The following WDR72 variants were observed in gnomAD, a reference collection of about 807,000 sequenced individuals.
The protein encoded by WDR72 is WD repeat-containing protein 72.
A neutral mutation model predicts 124.2 loss-of-function variants in WDR72; 120 were observed. That is an observed-to-expected ratio of 0.97 (90% CI 0.83 to 1.12). The LOEUF is 1.12. WDR72 is among the 50% of genes most tolerant of loss of function. The probability of loss-of-function intolerance (pLI) is 0.00; values close to 1 mark genes in which losing one functional copy is unlikely to be tolerated. For missense variants in WDR72, 1,387 were observed against 1,278.8 expected, an observed-to-expected ratio of 1.08 and a Z score of -1.29; for synonymous variants, 452 against 441.7, an observed-to-expected ratio of 1.02 and a Z score of -0.29.
At chr15:53,710,087 C>T (rs2017489864) in intron 9 of WDR72, among the ~76,000 whole-genome samples, 1 of 152,170 alleles carries the variant, frequency 6.6e-6, no homozygotes, top group African/African-American at 2.4e-5. Context: ...AGGTATGATT[C>T]AGTCAAGTAA....
At chr15:53,646,896 A>C (rs2015062167) in intron 14 of WDR72, among the ~76,000 whole-genome samples, 1 of 152,096 alleles carries the variant, frequency 6.6e-6, no homozygotes, top group Admixed American at 6.6e-5. Context: ...GGAATAATTA[A>C]GGGTCTTTGT....
intron 18 of WDR72, among the ~76,000 whole-genome samples, chr15:53,594,756 C>A (rs1413187554): frequency 1.3e-5 from 2 of 151,920 alleles, no homozygotes; most frequent in African/African-American, 4.8e-5. Context: ...CATGCCACTG[C>A]ACTCCAGACT....
chr15:53,631,347 G>C (rs567762628), intron 14 of WDR72, among the ~76,000 whole-genome samples: 15 of 152,314 alleles, frequency 9.8e-5, no homozygotes, highest in Admixed American at 3.3e-4. Context: ...AAGCCACTAT[G>C]CTTCCTGTAG....
At chr15:53,600,182 T>C (rs1241875925) in intron 17 of WDR72, among the ~76,000 whole-genome samples, 1 of 152,118 alleles carries the variant, frequency 6.6e-6, no homozygotes, top group Non-Finnish European at 1.5e-5. Context: ...CTGCAGACTT[T>C]CAAAAATAAA....
intron 14 of WDR72, among the ~76,000 whole-genome samples, chr15:53,648,064 C>A (rs2140422546): frequency 6.6e-6 from 1 of 152,236 alleles, no homozygotes; most frequent in Middle Eastern, 3.4e-3. Context: ...AACTTCCCCA[C>A]CTCTGACAGA....
At chr15:53,629,209 A>T (rs910177966) in intron 14 of WDR72, among the ~76,000 whole-genome samples, 3 of 133,504 alleles carry the variant, frequency 2.2e-5, no homozygotes. Context: ...AGAGAGAGAG[A>T]GAGTGAGAGA....
chr15:53,711,194 G>A, intron 8 of WDR72, 142 bp downstream of exon 8: 1 of 1,210,474 alleles, frequency 8.3e-7, no homozygotes, highest in East Asian at 2.4e-5. Context: ...AGCCTACCAA[G>A]CCCAGAGTAA....
At chr15:53,661,366 A>G (rs1034700707) in intron 14 of WDR72, among the ~76,000 whole-genome samples, 2 of 152,156 alleles carry the variant, frequency 1.3e-5, no homozygotes, top group Non-Finnish European at 2.9e-5. Flanking sequence ...CATGGTGAAA[A>G]GGGAAACAAG....
intron 18 of WDR72, among the ~76,000 whole-genome samples, chr15:53,593,320 G>T (rs1262095522): frequency 6.6e-6 from 1 of 152,058 alleles, no homozygotes; most frequent in Admixed American, 6.6e-5. Flanking sequence ...TTGCAAGTAT[G>T]GAAAACGTAG....
At chr15:53,724,150 G>A (rs2017953927) in intron 2 of WDR72, among the ~76,000 whole-genome samples, 1 of 152,182 alleles carries the variant, frequency 6.6e-6, no homozygotes, top group South Asian at 2.1e-4. Context: ...CAATGGCTGG[G>A]GGTGAGGGAA....
Position 53,732,816 on chromosome 15 carries a change from A to G in WDR72, c.153+181T>C, listed in dbSNP as rs690001. ...TATTCATAATATAATTTTCAAATATAATCTTGATCAATCATATAATACTTT... is the reference window on the plus strand; with the variant it reads ...TATTCATAATATAATTTTCAAATATGATCTTGATCAATCATATAATACTTT... On this transcript the variant is annotated intron_variant, in intron 2 of 19. Transcript: ENST00000360509. Among the ~76,000 whole-genome samples the G allele has an allele frequency of 0.62, 94,626 of 152,018 alleles. 29,672 individuals are homozygous for G. The highest frequency in any genetic ancestry group is 0.68 in the African/African-American group (28,147 of 41,472).
At chr15:53,706,371 T>TACATATATATATATATATATATAC (rs1567040197) in intron 9 of WDR72, among the ~76,000 whole-genome samples, 7 of 52,638 alleles carry the variant, frequency 1.3e-4, no homozygotes, top group African/African-American at 5.0e-4. Context: ...TATATATATA[T>TACATATATATATATATATATATAC]ATATATATAT....
At chr15:53,557,656 C>A (rs1260800577) in intron 18 of WDR72, among the ~76,000 whole-genome samples, 1 of 151,852 alleles carries the variant, frequency 6.6e-6, no homozygotes, top group Admixed American at 6.6e-5. Context: ...GAGAGATCAG[C>A]CCGTGAGCCT....
chr15:53,630,689 A>C (rs977594049), intron 14 of WDR72, among the ~76,000 whole-genome samples: 3 of 152,206 alleles, frequency 2.0e-5, no homozygotes, highest in African/African-American at 7.2e-5. Context: ...CCAAGAAACT[A>C]GGAATAGAAA....
chr15:53,554,529 G>A (rs962883479), intron 18 of WDR72, among the ~76,000 whole-genome samples: 4 of 152,244 alleles, frequency 2.6e-5, no homozygotes, highest in African/African-American at 9.6e-5. Context: ...AAGCATCATT[G>A]TGTTGTGTTG....
At chr15:53,733,787 G>A (rs1400105082) in intron 1 of WDR72, among the ~76,000 whole-genome samples, 1 of 151,940 alleles carries the variant, frequency 6.6e-6, no homozygotes, top group African/African-American at 2.4e-5. Flanking sequence ...TTAGTTACAA[G>A]GGTTAAAATG....
intron 18 of WDR72, among the ~76,000 whole-genome samples, chr15:53,594,455 T>G (rs547722769): frequency 6.3e-4 from 96 of 152,160 alleles, no homozygotes; most frequent in African/African-American, 2.3e-3. Context: ...GAAATCTGCC[T>G]ATGAAATTTG....
chr15:53,584,817 T>G (rs1595775488), intron 18 of WDR72, among the ~76,000 whole-genome samples: 1 of 152,132 alleles, frequency 6.6e-6, no homozygotes, highest in East Asian at 1.9e-4. Context: ...CCTGCCTTGG[T>G]ATCTGTCCCC....
At chr15:53,641,294 C>A (rs1172593078) in intron 14 of WDR72, among the ~76,000 whole-genome samples, 2 of 151,674 alleles carry the variant, frequency 1.3e-5, no homozygotes, top group Non-Finnish European at 2.9e-5. Flanking sequence ...TTTTTTTTCC[C>A]CATTTATCTC....
Sources: gnomAD v4.1 joint callset for allele counts (sites outside exome capture counted in the v4.1 genomes callset) on GRCh38, gnomAD v4.1.1 for gene constraint, MANE v1.5 for transcripts, NCBI Gene and HGNC (gene_info 2026-07-23, HGNC 2026-07-21) for gene names.